NXN: variants seen among roughly 807,000 people sequenced by gnomAD.
The protein encoded by NXN is nucleoredoxin, also known as nucleoredoxin 1.
In NXN, 16 loss-of-function variants were observed where a neutral mutation model predicts 48.6. The observed-to-expected ratio is 0.33, with a 90% CI of 0.22 to 0.50. The LOEUF is 0.50. Ranked by LOEUF, NXN falls within the 20% of genes least tolerant of loss-of-function variation. The probability of loss-of-function intolerance (pLI) is 0.98; values close to 1 mark genes in which losing one functional copy is unlikely to be tolerated. For synonymous variants in NXN, 281 were observed against 269.6 expected (o/e 1.04, Z -0.41); for missense variants, 492 against 605.5 (o/e 0.81, Z 1.97).
intron 1 of NXN, among the ~76,000 whole-genome samples, chr17:826,508 A>C (rs563212847): frequency 3.3e-4 from 50 of 152,342 alleles, no homozygotes; most frequent in Admixed American, 2.0e-3. Context: ...TCTTCAGAAC[A>C]CAATCAGACC....
rs149085768 is a variant in NXN, at chr17:873,306, G to A, written c.361-47228C>T. On this transcript the variant is annotated intron_variant, in intron 1 of 7. Coordinates refer to ENST00000336868, the MANE Select transcript of NXN (RefSeq NM_022463.5). ...GAGATCAGGAGTTCGAGACCAGCCT[G>A]GCCAACACGATGAAACCCCATCTCT... 8.1e-3 allele frequency among the ~76,000 whole-genome samples: 1,234 copies of A among 152,070 alleles called. 21 individuals carry two copies. The highest frequency in any genetic ancestry group is 0.028 in the African/African-American group (1,174 of 41,466).
intron 1 of NXN, among the ~76,000 whole-genome samples, chr17:953,801 G>A (rs961212543): frequency 4.6e-5 from 7 of 151,976 alleles, no homozygotes; most frequent in Non-Finnish European, 1.0e-4. Flanking sequence ...TCTGGGCGTG[G>A]TGACACGCGC....
chr17:870,243 C>T (rs541748824), intron 1 of NXN, among the ~76,000 whole-genome samples: 1 of 152,266 alleles, frequency 6.6e-6, no homozygotes, highest in South Asian at 2.1e-4. Context: ...AGTTCTCCAG[C>T]CCAGGAATGC....
At chr17:897,212 G>C (rs986117437) in intron 1 of NXN, among the ~76,000 whole-genome samples, 2 of 152,220 alleles carry the variant, frequency 1.3e-5, no homozygotes, top group African/African-American at 4.8e-5. Context: ...TCCTGGGAAA[G>C]GGAGGCAGAG....
chr17:957,305 G>A (rs1047013932), intron 1 of NXN, among the ~76,000 whole-genome samples: 6 of 151,046 alleles, frequency 4.0e-5, no homozygotes, highest in Non-Finnish European at 7.4e-5. Context: ...GGAACCCCCC[G>A]GGATCTTCTC....
intron 1 of NXN, among the ~76,000 whole-genome samples, chr17:845,626 G>A (rs998770731): frequency 1.3e-5 from 2 of 152,236 alleles, no homozygotes; most frequent in Non-Finnish European, 2.9e-5. Context: ...AATAAATGGG[G>A]ATGCTGATGA....
intron 1 of NXN, among the ~76,000 whole-genome samples, chr17:828,578 T>A (rs1023307922): frequency 6.6e-6 from 1 of 150,876 alleles, no homozygotes; most frequent in Non-Finnish European, 1.5e-5. Flanking sequence ...ATTTTTCTAT[T>A]TTCAGTAGAG....
At chr17:951,922 G>A (rs2069115743) in intron 1 of NXN, among the ~76,000 whole-genome samples, 1 of 152,202 alleles carries the variant, frequency 6.6e-6, no homozygotes, top group Admixed American at 6.5e-5. Flanking sequence ...ATGCACCAGA[G>A]CCTGAGTCCT....
At chr17:887,339 A>G (rs1304639171) in intron 1 of NXN, among the ~76,000 whole-genome samples, 1 of 152,160 alleles carries the variant, frequency 6.6e-6, no homozygotes, top group Admixed American at 6.6e-5. Flanking sequence ...TGGACAACGT[A>G]CAGTCACAAG....
chr17:893,399 G>A lies in NXN; in HGVS notation c.361-67321C>T, dbSNP rs144770644. On this transcript the variant is annotated intron_variant, in intron 1 of 7. Coordinates refer to ENST00000336868, the MANE Select transcript of NXN (RefSeq NM_022463.5). The stretch of plus-strand genomic sequence containing the variant: ...TCCCAGCTTAAAAGACAGCACCTTG[G>A]TTGCTATATTCACTCTGGTGAGAAT... Among the ~76,000 whole-genome samples, 386 of 152,340 alleles carry A rather than the reference G, an allele frequency of 2.5e-3. 4 individuals carry two copies. Among genetic ancestry groups the A allele is most frequent in the African/African-American group, 8.8e-3 (364 of 41,580 alleles).
chr17:877,693 G>A (rs960104323), intron 1 of NXN, among the ~76,000 whole-genome samples: 1 of 152,184 alleles, frequency 6.6e-6, no homozygotes, highest in Admixed American at 6.5e-5. Context: ...TGGGGCACAC[G>A]CTCAGTGCTT....
At chr17:810,806 T>G (rs1331838427) in intron 5 of NXN, among the ~76,000 whole-genome samples, 1 of 152,086 alleles carries the variant, frequency 6.6e-6, no homozygotes. Context: ...GGAGAATCGC[T>G]TGAACGCGGG....
chr17:914,540 G>A (rs930474283), intron 1 of NXN, among the ~76,000 whole-genome samples: 1 of 150,758 alleles, frequency 6.6e-6, no homozygotes, highest in African/African-American at 2.4e-5. Context: ...GGCAAACACC[G>A]AGGTCTGTAA....
chr17:803,246 G>A (rs142016755), intron 7 of NXN, among the ~76,000 whole-genome samples: 5 of 152,340 alleles, frequency 3.3e-5, no homozygotes, highest in East Asian at 1.9e-4. Flanking sequence ...TCACCGGGCC[G>A]GCTGGGTGAC....
chr17:961,344 C>T (rs1897039893), intron 1 of NXN, among the ~76,000 whole-genome samples: 1 of 151,552 alleles, frequency 6.6e-6, no homozygotes, highest in South Asian at 2.1e-4. Context: ...GAGATCATGC[C>T]ATTGCACTCC....
chr17:850,672 G>A (rs1191566781), intron 1 of NXN, among the ~76,000 whole-genome samples: 1 of 152,198 alleles, frequency 6.6e-6, no homozygotes. Flanking sequence ...CAGGAGGGAC[G>A]AAGGCGGGAG....
At chr17:901,370 G>C (rs1270026905) in intron 1 of NXN, among the ~76,000 whole-genome samples, 1 of 152,174 alleles carries the variant, frequency 6.6e-6, no homozygotes, top group Admixed American at 6.5e-5. Flanking sequence ...ATCAACGCTA[G>C]CTCCTTTCCT....
At chr17:904,081 T>A (rs2068560762) in intron 1 of NXN, among the ~76,000 whole-genome samples, 1 of 152,170 alleles carries the variant, frequency 6.6e-6, no homozygotes, top group South Asian at 2.1e-4. Flanking sequence ...TTTTTGGAGG[T>A]GATTCATGTA....
At chr17:937,938 A>G (rs1466252600) in intron 1 of NXN, among the ~76,000 whole-genome samples, 1 of 152,242 alleles carries the variant, frequency 6.6e-6, no homozygotes, top group Admixed American at 6.5e-5. Context: ...CGCTGCGCCC[A>G]GCGGAAAGGC....
Sources: gnomAD v4.1 joint callset for allele counts (sites outside exome capture counted in the v4.1 genomes callset) on GRCh38, gnomAD v4.1.1 for gene constraint, MANE v1.5 for transcripts, NCBI Gene and HGNC (gene_info 2026-07-23, HGNC 2026-07-21) for gene names.